PLCB3: variants seen among roughly 807,000 people sequenced by gnomAD.
The protein encoded by PLCB3 is phospholipase C beta 3.
A neutral mutation model predicts 152.1 loss-of-function variants in PLCB3; 54 were observed. That is an observed-to-expected ratio of 0.36 (90% CI 0.29 to 0.45). PLCB3 has a LOEUF of 0.45. PLCB3 is among the 20% of genes least tolerant of loss of function. The pLI is 1.00. For missense variants in PLCB3, 1,248 were observed against 1,687.5 expected, an observed-to-expected ratio of 0.74 and a Z score of 4.56; for synonymous variants, 717 against 698.7, an observed-to-expected ratio of 1.03 and a Z score of -0.41.
Position 64,259,202 on chromosome 11 carries a change from A to G in PLCB3, c.1483A>G (p.Ser495Gly). The part of the protein sequence containing the change: ...RPLEQSNSAL[S>G]ESSAATEPSS... ...CCTGGAGCAGAGCAATTCTGCCCTG[A>G]GCGAGAGCTCCGCGGCCACCGAGCC... is the stretch of plus-strand genomic sequence containing the variant. Residue 495 changes from serine (S) to glycine (G), a missense_variant, in exon 13 of 31, where the codon AGC becomes GGC. Around this residue, in one of 6 missense-constraint regions of PLCB3, gnomAD observed 105 missense variants for 100.9 expected, o/e 1.04. Transcript: ENST00000279230. 2 of 1,583,186 alleles carry G rather than the reference A, an allele frequency of 1.3e-6. No homozygotes were observed. Among genetic ancestry groups the G allele is most frequent in the South Asian group, 2.3e-5 (2 of 87,616 alleles).
In PLCB3 at chr11:64,258,950, A is replaced by C; in HGVS notation, c.1319A>C (p.Glu440Ala). 6.2e-7 allele frequency: 1 copy of C among 1,613,944 alleles called. No homozygotes were observed. Among genetic ancestry groups the C allele is most frequent in the South Asian group, 1.1e-5 (1 of 91,070 alleles). The change falls in exon 12 of 31, where the codon GAG becomes GCG. Residue 440 changes from glutamate (E) to alanine (A), a missense_variant. Transcript: ENST00000279230. The surrounding 1 kb of genome is among the most constrained non-coding windows in gnomAD (Gnocchi z 7.2). ...RSIFGDALLI[E>A]PLDKYPLAPG... Reference sequence around the variant, plus strand: ...ATCTTTGGAGACGCGCTACTCATCGAGCCTCTGGACAAGTACCCGGTACGG... The same window carrying C: ...ATCTTTGGAGACGCGCTACTCATCGCGCCTCTGGACAAGTACCCGGTACGG...
At position 64,265,486 on chromosome 11, in the gene PLCB3, C is replaced by T. The variant is rs1404694152; in HGVS notation, c.3019C>T (p.Leu1007=). The T allele has an allele frequency of 6.2e-7, 1 of 1,602,132 alleles. No homozygotes were observed. The highest frequency in any genetic ancestry group is 2.2e-5 in the East Asian group (1 of 44,718). Residue 1007 remains leucine (L), a synonymous_variant, in exon 25 of 31, where the codon CTG becomes TTG. Coordinates refer to ENST00000279230, the MANE Select transcript of PLCB3 (RefSeq NM_000932.5). ...AQAQAEGRCR[L]RPGALGGAAD... ...GGCACAGGCTGAGGGCAGGTGCCGG[C>T]TGCGGCCAGGTGCCCTGTGAGTGTC...
chr11:64,257,008 T>TG (rs2031571509), intron 10 of PLCB3, among the ~76,000 whole-genome samples: 2 of 130,566 alleles, frequency 1.5e-5, no homozygotes, highest in East Asian at 2.1e-4. Flanking sequence ...TTTTTTTTTT[T>TG]TTTTTTTTTT....
chr11:64,262,309 G>A, intron 17 of PLCB3, 98 bp from the exon 18 acceptor site: 6 of 1,470,816 alleles, frequency 4.1e-6, no homozygotes, highest in Non-Finnish European at 5.6e-6. Context: ...CCCTGACCCT[G>A]GACCTTGGAT....
At position 64,254,490 on chromosome 11, in the gene PLCB3, A is replaced by G; in HGVS notation, c.175A>G (p.Met59Val). ...GFFLYWTGPN[M>V]EVDTLDISSI... The stretch of plus-strand genomic sequence containing the variant: ...CTTCTTGTACTGGACGGGCCCCAAC[A>G]TGGTGAGGGTGGGCGCTGGTGCAGC... Residue 59 changes from methionine (M) to valine (V), a missense_variant and splice_region_variant, in exon 2 of 31, where the codon ATG becomes GTG. By Grantham distance (21) the Met-to-Val change is conservative. Transcript: ENST00000279230. 3.7e-6 allele frequency: 6 copies of G among 1,613,364 alleles called. No homozygotes were observed. The highest frequency in any genetic ancestry group is 5.1e-6 in the Non-Finnish European group (6 of 1,179,618).
intron 13 of PLCB3, 47 bp from the exon 14 acceptor site, chr11:64,259,982 C>CA: frequency 6.6e-7 from 1 of 1,509,220 alleles, no homozygotes; most frequent in Non-Finnish European, 9.1e-7. Flanking sequence ...ACTTCCTAAG[C>CA]AGCTGTGTGG....
Position 64,262,056 on chromosome 11 carries a change from C to T in PLCB3, c.2018C>T (p.Ala673Val). Residue 673 changes from alanine (A) to valine (V), a missense_variant, in exon 17 of 31, where the codon GCG (alanine) becomes GTG (valine). This residue lies in a region of PLCB3 where 244 missense variants were observed against 424.4 expected (regional missense o/e 0.57). Coordinates refer to ENST00000279230, the MANE Select transcript of PLCB3 (RefSeq NM_000932.5). ...LFWNVGCQLV[A>V]LNFQTLDVAM... Reference sequence around the variant, plus strand: ...TGGAACGTAGGGTGCCAGCTTGTTGCGCTCAACTTCCAGACCCTCGGTGAG... The same window carrying T: ...TGGAACGTAGGGTGCCAGCTTGTTGTGCTCAACTTCCAGACCCTCGGTGAG... The T allele has an allele frequency of 1.2e-6, 2 of 1,614,160 alleles. No homozygotes were observed. The highest frequency in any genetic ancestry group is 1.7e-6 in the Non-Finnish European group (2 of 1,180,016).
Position 64,254,398 on chromosome 11 carries a change from C to T in PLCB3, c.100-17C>T, listed in dbSNP as rs756816991. ...AGCCCTCACTTCCTGACCCCTGCTGCCCTGTGCTGTCCTCAGGAGACCTCC... is the reference window on the plus strand; with the variant it reads ...AGCCCTCACTTCCTGACCCCTGCTGTCCTGTGCTGTCCTCAGGAGACCTCC... On this transcript the variant is annotated splice_polypyrimidine_tract_variant and intron_variant, in intron 1 of 30. Coordinates refer to ENST00000279230, the MANE Select transcript of PLCB3 (RefSeq NM_000932.5). 1.9e-6 allele frequency: 3 copies of T among 1,608,100 alleles called. No homozygotes were observed. Among genetic ancestry groups the T allele is most frequent in the Admixed American group, 3.3e-5 (2 of 59,994 alleles).
chr11:64,255,106 G>T lies in PLCB3; in HGVS notation c.387+68G>T. On this transcript the variant is annotated intron_variant, in intron 4 of 30. Transcript: ENST00000279230. This position sits in a 1 kb window ranked among gnomAD's most constrained non-coding sequence, Gnocchi z 6.8. ...TTCTGTGAGTCGGCCGTCACTTACC[G>T]AACACCTGCTGTGTTCTAGGCTGCT... 1.3e-6 allele frequency: 2 copies of T among 1,554,796 alleles called. No homozygotes were observed. Among genetic ancestry groups the T allele is most frequent in the South Asian group, 2.3e-5 (2 of 88,798 alleles).
chr11:64,255,855 GCT>G lies in PLCB3; in HGVS notation c.698+37_698+38del, dbSNP rs762409497. ...GCCCGGCCTGCCTCACAACCCCTGT[GCT>G]CTGTGTTTAGCTTCTGCTTAGCGTG... On this transcript the variant is annotated intron_variant, in intron 8 of 30. Transcript: ENST00000279230. The surrounding 1 kb of genome is among the most constrained non-coding windows in gnomAD (Gnocchi z 6.8). The G allele has an allele frequency of 6.8e-7, 1 of 1,460,952 alleles. No homozygotes were observed. Among genetic ancestry groups the G allele is most frequent in the South Asian group, 1.1e-5 (1 of 88,202 alleles). 90.5% of individuals were successfully genotyped at this position (1,460,952 alleles called of 1,614,324 possible).
In PLCB3 at chr11:64,267,733, G is replaced by GC. The variant is rs2032200703; in HGVS notation, c.*180dup. On this transcript the variant is annotated 3_prime_UTR_variant, in exon 31 of 31. Coordinates refer to ENST00000279230, the MANE Select transcript of PLCB3 (RefSeq NM_000932.5). The surrounding 1 kb of genome is among the most constrained non-coding windows in gnomAD (Gnocchi z 5.2). ...CATCCTCCTGGGGCCCCTCCTTCCT[G>GC]CCCTCAGTCTTAGGTTAGGGCCTTG... 8 of 600,342 alleles carry GC rather than the reference G, an allele frequency of 1.3e-5. No homozygotes were observed. In the South Asian group the frequency reaches 1.7e-4, roughly 13 times the overall value. 37.2% of individuals were successfully genotyped at this position (600,342 alleles called of 1,614,324 possible). A position where few individuals can be genotyped will look rare whatever the true frequency, so the allele number is the denominator to read the frequency against.
At position 64,251,643 on chromosome 11, in the gene PLCB3, C is replaced by T. The variant is rs1044591300; in HGVS notation, c.-7C>T. On this transcript the variant is annotated 5_prime_UTR_variant, in exon 1 of 31. Coordinates refer to ENST00000279230, the MANE Select transcript of PLCB3 (RefSeq NM_000932.5). ...CCGTGGGTCCCCGACCCGCCCCTGG[C>T]CGGGCCATGGCGGGCGCCCAGCCCG... The T allele has an allele frequency of 1.2e-5, 18 of 1,446,972 alleles. No individual in the cohort carries two copies. The highest frequency in any genetic ancestry group is 3.0e-5 in the African/African-American group (2 of 67,402). 89.6% of individuals were successfully genotyped at this position (1,446,972 alleles called of 1,614,324 possible).
In PLCB3 at chr11:64,256,448, G is replaced by C. The variant is rs779044459; in HGVS notation, c.771G>C (p.Pro257=). The change falls in exon 9 of 31, where the codon CCG becomes CCC. Residue 257 remains proline, a synonymous_variant. Coordinates refer to ENST00000279230, the MANE Select transcript of PLCB3 (RefSeq NM_000932.5). The part of the protein sequence containing the change: ...MDFINQKQRD[P]RLNEVLYPPL... ...TCATCAACCAGAAGCAACGCGACCC[G>C]AGACTCAACGAAGTGCTGTACCCGC... 3.1e-6 allele frequency: 5 copies of C among 1,613,650 alleles called. No homozygotes were observed. The highest frequency in any genetic ancestry group is 1.3e-5 in the African/African-American group (1 of 74,934).
chr11:64,254,296 T>G, intron 1 of PLCB3, 119 bp from the exon 2 acceptor site: 9 of 795,890 alleles, frequency 1.1e-5, no homozygotes, highest in African/African-American at 1.7e-5. Flanking sequence ...GTGGACTGGA[T>G]GAGGTTTCGT....
At chr11:64,264,537 G>T (rs1407798702) in intron 22 of PLCB3, among the ~76,000 whole-genome samples, 1 of 152,174 alleles carries the variant, frequency 6.6e-6, no homozygotes, top group African/African-American at 2.4e-5. Flanking sequence ...GCTGCCTGGA[G>T]CTGTTAGCGG....
chr11:64,256,889 G>A, intron 10 of PLCB3, 125 bp downstream of exon 10: 1 of 1,082,892 alleles, frequency 9.2e-7, no homozygotes, highest in Non-Finnish European at 1.3e-6. Context: ...GGGGATGCAG[G>A]CAGGGAACAG....
intron 14 of PLCB3, among the ~76,000 whole-genome samples, chr11:64,260,476 C>T (rs2031791674): frequency 1.3e-5 from 2 of 151,930 alleles, no homozygotes; most frequent in Admixed American, 1.3e-4. Flanking sequence ...GGGAGTCTAC[C>T]CTGGGCAGGG....
At chr11:64,261,062 G>A (rs2031822743) in intron 14 of PLCB3, among the ~76,000 whole-genome samples, 1 of 152,174 alleles carries the variant, frequency 6.6e-6, no homozygotes, top group Non-Finnish European at 1.5e-5. Flanking sequence ...CCAGCACTTT[G>A]GGAGGCTGAG....
chr11:64,266,479 C>T lies in PLCB3; in HGVS notation c.3357-16C>T, dbSNP rs964957510. On this transcript the variant is annotated splice_polypyrimidine_tract_variant and intron_variant, in intron 28 of 30. Coordinates refer to ENST00000279230, the MANE Select transcript of PLCB3 (RefSeq NM_000932.5). The surrounding 1 kb of genome is among the most constrained non-coding windows in gnomAD (Gnocchi z 4.9). Reference sequence around the variant, plus strand: ...GGTGTCTGGGCCCCGAGCCATCCTGCGTTGCTCCCGTGCAGGGAACTGACG... The same window carrying T: ...GGTGTCTGGGCCCCGAGCCATCCTGTGTTGCTCCCGTGCAGGGAACTGACG... 40 of 1,613,000 alleles carry T rather than the reference C, an allele frequency of 2.5e-5. 1 individual carries two copies. Among genetic ancestry groups the T allele is most frequent in the African/African-American group, 4.0e-5 (3 of 74,854 alleles).
Sources: allele counts gnomAD v4.1 joint callset (sites outside exome capture counted in the v4.1 genomes callset), GRCh38; gene constraint gnomAD v4.1.1; regional missense constraint gnomAD v4.1.1; non-coding constraint Gnocchi (gnomAD v3.1); transcripts MANE v1.5; gene names NCBI Gene and HGNC (gene_info 2026-07-23, HGNC 2026-07-21).